Variants in GSDME observed in about 807,000 individuals in gnomAD.
GSDME encodes the protein gasdermin-E.
In GSDME, 44 loss-of-function variants were observed where a neutral mutation model predicts 47.5. The ratio of observed to expected loss-of-function variants is 0.93; its 90% CI spans 0.73 to 1.19. The LOEUF is 1.19. Ranked by LOEUF, GSDME falls within the 50% of genes most tolerant of loss-of-function variation. The probability of loss-of-function intolerance (pLI) is 0.00; values close to 1 mark genes in which losing one functional copy is unlikely to be tolerated. For missense variants in GSDME, 663 were observed against 604.2 expected (o/e 1.10, Z -1.02); for synonymous variants, 258 against 252.8 (o/e 1.02, Z -0.20).
rs993894830 is a variant in GSDME, at chr7:24,754,087, T to C, written c.-20+3309A>G. On this transcript the variant is annotated intron_variant, in intron 1 of 9. Coordinates refer to ENST00000645220, the MANE Select transcript of GSDME (RefSeq NM_001127453.2). The surrounding 1 kb of genome is among the most constrained non-coding windows in gnomAD (Gnocchi z 5.0). ...CACAATGCTCCAATTTGGGAGAAGATGAAAATGGCCTCAGGAGGCATCATG... is the reference window on the plus strand; with the variant it reads ...CACAATGCTCCAATTTGGGAGAAGACGAAAATGGCCTCAGGAGGCATCATG... 1.8e-4 allele frequency among the ~76,000 whole-genome samples: 27 copies of C among 152,322 alleles called. No homozygotes were observed. Among genetic ancestry groups the C allele is most frequent in the African/African-American group, 4.3e-4 (18 of 41,578 alleles).
At chr7:24,779,711 G>A in the GSDME span, among the ~76,000 whole-genome samples, 2 of 152,194 alleles carry the variant, frequency 1.3e-5, no homozygotes, top group African/African-American at 4.8e-5. The surrounding 1 kb of genome is among the most constrained non-coding windows in gnomAD (Gnocchi z 6.0). Flanking sequence ...CCAGCAGCCT[G>A]GGCTCTTTCC....
the GSDME span, among the ~76,000 whole-genome samples, chr7:24,790,291 G>C: frequency 2.6e-5 from 4 of 152,194 alleles, no homozygotes; most frequent in Non-Finnish European, 5.9e-5. The surrounding 1 kb of genome is among the most constrained non-coding windows in gnomAD (Gnocchi z 4.1). Flanking sequence ...ATTTGGGTGA[G>C]CATGTAAATG....
rs1204613983 is a variant in GSDME at position 24,739,647 on chromosome 7, G to T, written c.404+4915C>A. On this transcript the variant is annotated intron_variant, in intron 3 of 9. Coordinates refer to ENST00000645220, the MANE Select transcript of GSDME (RefSeq NM_001127453.2). This position sits in a 1 kb window ranked among gnomAD's most constrained non-coding sequence, Gnocchi z 5.1. ...TGCTGGATATGTACCCAAAAGAAAG[G>T]AAATCAGTATACTGAGGAGCTATCT... is the stretch of plus-strand genomic sequence containing the variant. 6.6e-6 allele frequency among the ~76,000 whole-genome samples: 1 copy of T among 152,160 alleles called. No homozygotes were observed. Among genetic ancestry groups the T allele is most frequent in the African/African-American group, 2.4e-5 (1 of 41,436 alleles).
In GSDME at chr7:24,744,297, A is replaced by G; in HGVS notation, c.404+265T>C. ...CATTTTTACCGTTCGCATTTTATAA[A>G]TCATGTGATTGAAGGAAGTACATAT... On this transcript the variant is annotated intron_variant, in intron 3 of 9. Transcript: ENST00000645220. The surrounding 1 kb of genome is among the most constrained non-coding windows in gnomAD (Gnocchi z 4.5). The G allele has an allele frequency of 2.0e-6, 1 of 503,626 alleles. No homozygotes were observed. Among genetic ancestry groups the G allele is most frequent in the Non-Finnish European group, 3.6e-6 (1 of 277,890 alleles). The allele number at this position is 503,626 out of a possible 1,614,324, so 31.2% of individuals were successfully genotyped here. A position where few individuals can be genotyped will look rare whatever the true frequency, so the allele number is the denominator to read the frequency against.
At chr7:24,759,709 A>G (rs1791136191), upstream of GSDME, among the ~76,000 whole-genome samples, 1 of 152,132 alleles carries the variant, frequency 6.6e-6, no homozygotes, top group South Asian at 2.1e-4. Flanking sequence ...AGAAAATAAG[A>G]AGTGCAGAAG....
chr7:24,775,740 T>G, the GSDME span, among the ~76,000 whole-genome samples: 3 of 151,430 alleles, frequency 2.0e-5, no homozygotes, highest in Admixed American at 6.6e-5. Flanking sequence ...CTGGGCGTGG[T>G]GGCGGGCACT....
the GSDME span, among the ~76,000 whole-genome samples, chr7:24,769,399 G>A: frequency 6.6e-6 from 1 of 152,198 alleles, no homozygotes; most frequent in African/African-American, 2.4e-5. Context: ...TGCAGCGGGA[G>A]GCGGGGAACG....
At chr7:24,702,150 A>G (rs767025795) in intron 9 of GSDME, among the ~76,000 whole-genome samples, 13 of 152,368 alleles carry the variant, frequency 8.5e-5, no homozygotes, top group Admixed American at 5.9e-4. Context: ...GGGTGGCTTC[A>G]GGGCAACCTG....
intron 1 of GSDME, among the ~76,000 whole-genome samples, chr7:24,755,895 C>T (rs898976759): frequency 6.6e-6 from 1 of 152,128 alleles, no homozygotes; most frequent in Admixed American, 6.5e-5. Context: ...CATGGCTGTA[C>T]TTGTCTACTT....
At chr7:24,710,468 C>A (rs1185917252) in intron 5 of GSDME, 80 bp from the exon 6 acceptor site, 1 of 1,376,396 alleles carries the variant, frequency 7.3e-7, no homozygotes. Context: ...GTCAGCCCAG[C>A]CTTGATGGCA....
intron 3 of GSDME, among the ~76,000 whole-genome samples, chr7:24,723,172 TCA>T (rs1248324924): frequency 6.6e-6 from 1 of 152,188 alleles, no homozygotes; most frequent in Non-Finnish European, 1.5e-5. Flanking sequence ...TTAATCATCT[TCA>T]GTTAGGAGAG....
At chr7:24,783,368 G>A in the GSDME span, among the ~76,000 whole-genome samples, 1 of 152,152 alleles carries the variant, frequency 6.6e-6, no homozygotes, top group African/African-American at 2.4e-5. Context: ...CCTTAGAACA[G>A]TGTCTTGCAC....
Position 24,728,301 on chromosome 7 carries a change from A to G in GSDME, c.405-9083T>C, listed in dbSNP as rs1790036406. Among the ~76,000 whole-genome samples the G allele has an allele frequency of 6.6e-6, 1 of 152,194 alleles. No homozygotes were observed. Among genetic ancestry groups the G allele is most frequent in the South Asian group, 2.1e-4 (1 of 4,828 alleles). On this transcript the variant is annotated intron_variant, in intron 3 of 9. Transcript: ENST00000645220. The surrounding 1 kb of genome is among the most constrained non-coding windows in gnomAD (Gnocchi z 7.2). ...TGCCAGGACAGATGGCGGCTGCCAC[A>G]GGGGCCCACAGAGCCACCGAACTGA...
chr7:24,750,694 T>C, intron 1 of GSDME, among the ~76,000 whole-genome samples: 1 of 152,228 alleles, frequency 6.6e-6, no homozygotes. Flanking sequence ...GACTACTTAT[T>C]TGAAGGGTCA....
At chr7:24,786,917 C>T in the GSDME span, among the ~76,000 whole-genome samples, 28 of 152,160 alleles carry the variant, frequency 1.8e-4, no homozygotes, top group African/African-American at 6.5e-4. This position sits in a 1 kb window ranked among gnomAD's most constrained non-coding sequence, Gnocchi z 5.5. Context: ...CTCTTAATTC[C>T]CTGGGTTCTG....
Position 24,698,946 on chromosome 7 carries a change from CT to C in GSDME, c.*79del. On this transcript the variant is annotated 3_prime_UTR_variant, in exon 10 of 10. Transcript: ENST00000645220. ...TCTGTAAATTCATTTCATTGGTCAACTTTTAACGTGCATATGACCTTTAACA... is the reference window on the plus strand; with the variant it reads ...TCTGTAAATTCATTTCATTGGTCAACTTTAACGTGCATATGACCTTTAACA... The C allele has an allele frequency of 8.1e-6, 8 of 981,692 alleles. No individual in the cohort carries two copies. The highest frequency in any genetic ancestry group is 1.3e-5 in the Non-Finnish European group (8 of 624,732). The allele number at this position is 981,692 out of a possible 1,614,324, so 60.8% of individuals were successfully genotyped here. A position where few individuals can be genotyped will look rare whatever the true frequency, so the allele number is the denominator to read the frequency against.
Position 24,698,544 on chromosome 7 carries a change from T to TATA in GSDME, c.*481_*482insTAT, listed in dbSNP as rs1788728071. ...AATTTTGTTCAGCAGAGGAATATAC[T>TATA]CTAGGAGCATTTACAGTTCATTTTC... On this transcript the variant is annotated 3_prime_UTR_variant, in exon 10 of 10. Coordinates refer to ENST00000645220, the MANE Select transcript of GSDME (RefSeq NM_001127453.2). 4 of 236,582 alleles carry TATA rather than the reference T, an allele frequency of 1.7e-5. No homozygotes were observed. The highest frequency in any genetic ancestry group is 6.9e-5 in the African/African-American group (3 of 43,264). The allele number at this position is 236,582 out of a possible 1,614,324, so 14.7% of individuals were successfully genotyped here.
the GSDME span, among the ~76,000 whole-genome samples, chr7:24,765,471 A>G: frequency 5.3e-5 from 8 of 152,134 alleles, no homozygotes; most frequent in Admixed American, 1.3e-4. Flanking sequence ...TGGATGTGTT[A>G]GGTTACAGTT....
At chr7:24,717,080 G>C in intron 5 of GSDME, 174 bp downstream of exon 5, 2 of 696,254 alleles carry the variant, frequency 2.9e-6, no homozygotes, top group Non-Finnish European at 4.9e-6. Flanking sequence ...CCCTCCCCCA[G>C]TGCAGCCCAT....
Sources: allele counts gnomAD v4.1 joint callset (sites outside exome capture counted in the v4.1 genomes callset), GRCh38; gene constraint gnomAD v4.1.1; non-coding constraint Gnocchi (gnomAD v3.1); transcripts MANE v1.5; gene names NCBI Gene and HGNC (gene_info 2026-07-23, HGNC 2026-07-21).